Variants in SMARCA1 observed in about 807,000 individuals in gnomAD.
SMARCA1 encodes the protein SWI/SNF-related matrix-associated actin-dependent regulator of chromatin subfamily A member 1.
In SMARCA1, 17 loss-of-function variants were observed where a neutral mutation model predicts 93.6. The observed-to-expected ratio is 0.18, with a 90% CI of 0.12 to 0.27. The LOEUF is 0.27. SMARCA1 is among the 10% of genes least tolerant of loss of function. SMARCA1 has a pLI of 1.00. For missense variants in SMARCA1, 630 were observed against 819.0 expected, an observed-to-expected ratio of 0.77 and a Z score of 2.82; for synonymous variants, 271 against 271.4, an observed-to-expected ratio of 1.00 and a Z score of 0.01.
chrX:129,516,135 C>T (rs1311826938), intron 3 of SMARCA1, 141 bp from the exon 4 acceptor site: 11 of 586,960 alleles, frequency 1.9e-5, no homozygotes, highest in Non-Finnish European at 2.9e-5. Context: ...AACCAGCCTA[C>T]ATTTTTACTG....
At chrX:129,476,890 A>C (rs1305927613) in intron 19 of SMARCA1, among the ~76,000 whole-genome samples, 1 of 111,845 alleles carries the variant, frequency 8.9e-6, no homozygotes, top group African/African-American at 3.3e-5. Context: ...TCTGAACTCA[A>C]ACAAAAAACC....
In SMARCA1 at chrX:129,518,280, T is replaced by A. The variant is rs183641743; in HGVS notation, c.261+81A>T. ...AATGATTCTCTATGCATTATATATATACATGTATTTTTTCATCTTTAACAT... is the reference window on the plus strand; with the variant it reads ...AATGATTCTCTATGCATTATATATAAACATGTATTTTTTCATCTTTAACAT... On this transcript the variant is annotated intron_variant, in intron 2 of 24. Transcript: ENST00000371121. 82 of 497,273 alleles carry A rather than the reference T, an allele frequency of 1.6e-4. 1 individual carries two copies. The East Asian group carries it at 2.8e-3, about 17-fold the overall frequency. The allele number at this position is 497,273 out of a possible 1,213,427, so 41.0% of individuals were successfully genotyped here.
chrX:129,485,516 T>C (rs1816730536), intron 17 of SMARCA1, among the ~76,000 whole-genome samples: 1 of 111,802 alleles, frequency 8.9e-6, no homozygotes, highest in Admixed American at 9.5e-5. Context: ...AAATTAAGAC[T>C]TTTGAGGACC....
Position 129,455,772 on chromosome X carries a change from A to G in SMARCA1, c.3031-7329T>C, listed in dbSNP as rs891522267. 2.7e-5 allele frequency among the ~76,000 whole-genome samples: 3 copies of G among 112,067 alleles called. No individual in the cohort carries two copies. The Admixed American group carries it at 2.9e-4, about 11-fold the overall frequency. On this transcript the variant is annotated intron_variant, in intron 23 of 24. Transcript: ENST00000371121. ...AGCAAGATCCTAACTCTTCAATTCT[A>G]TGAAGGCTGAGAGAGGTAAGGAAGG...
intron 20 of SMARCA1, 64 bp from the exon 21 acceptor site, chrX:129,468,969 T>C (rs990584237): frequency 1.4e-6 from 1 of 729,240 alleles, no homozygotes; most frequent in South Asian, 3.6e-5. Flanking sequence ...TATTGCCCTA[T>C]TTACTTCTAT....
chrX:129,487,604 C>G (rs1461157213), intron 16 of SMARCA1, among the ~76,000 whole-genome samples: 2 of 112,138 alleles, frequency 1.8e-5, no homozygotes, highest in African/African-American at 6.5e-5. Flanking sequence ...TAGTAAAATA[C>G]ACCATGGAGA....
intron 17 of SMARCA1, among the ~76,000 whole-genome samples, chrX:129,481,882 A>G (rs1329256048): frequency 1.8e-5 from 2 of 109,352 alleles, no homozygotes; most frequent in Non-Finnish European, 3.8e-5. Context: ...ACATGCACAC[A>G]TATGTTTATT....
chrX:129,450,533 C>T (rs761890696), intron 23 of SMARCA1, among the ~76,000 whole-genome samples: 6 of 111,994 alleles, frequency 5.4e-5, no homozygotes, highest in Non-Finnish European at 1.1e-4. Flanking sequence ...TTTGACCTAG[C>T]AATTCCATTT....
At chrX:129,488,369 G>A (rs1412763393) in intron 16 of SMARCA1, among the ~76,000 whole-genome samples, 1 of 108,106 alleles carries the variant, frequency 9.3e-6, no homozygotes, top group Non-Finnish European at 1.9e-5. Flanking sequence ...AGTGCTTTGG[G>A]AGGCAGAGGT....
At position 129,496,830 on chromosome X, in the gene SMARCA1, C is replaced by T; in HGVS notation, c.1546G>A (p.Asp516Asn). The part of the protein sequence containing the change: ...LIFSQMTRLL[D>N]ILEDYCMWRG... ...CACATGCAATAATCTTCCAAAATAT[C>T]CAGCAAGCGAGTCATCTGGCTGAAA... The change falls in exon 12 of 25, where the codon GAT (aspartate) becomes AAT (asparagine). Residue 516 changes from aspartate (D) to asparagine (N), a missense_variant. This residue lies in a region of SMARCA1 where 382 missense variants were observed against 537.9 expected (regional missense o/e 0.71). Transcript: ENST00000371121. 1 of 1,205,758 alleles carries T rather than the reference C, an allele frequency of 8.3e-7. No individual in the cohort carries two copies. Among genetic ancestry groups the T allele is most frequent in the Non-Finnish European group, 1.1e-6 (1 of 890,440 alleles).
intron 12 of SMARCA1, among the ~76,000 whole-genome samples, chrX:129,495,939 A>AT (rs1286331684): frequency 1.2e-3 from 117 of 99,435 alleles, no homozygotes; most frequent in African/African-American, 3.4e-3. Context: ...CACCCAGCTA[A>AT]TTTTTTTTTT....
intron 5 of SMARCA1, among the ~76,000 whole-genome samples, chrX:129,514,252 G>T (rs1347790991): frequency 1.8e-5 from 2 of 111,569 alleles, no homozygotes; most frequent in African/African-American, 6.5e-5. Context: ...AGAAGGAGGA[G>T]ATTGCAGTGA....
intron 6 of SMARCA1, among the ~76,000 whole-genome samples, chrX:129,509,188 CAAAAA>C (rs10706195): frequency 1.4e-5 from 1 of 69,642 alleles, no homozygotes; most frequent in African/African-American, 4.7e-5. Flanking sequence ...GAGTCCGTCT[CAAAAA>C]AAAAAAAAAA....
intron 5 of SMARCA1, among the ~76,000 whole-genome samples, chrX:129,513,476 A>G (rs1029233309): frequency 2.8e-5 from 3 of 107,838 alleles, no homozygotes; most frequent in African/African-American, 1.0e-4. Flanking sequence ...GTAAGCAATG[A>G]TCACGCCATT....
At position 129,463,264 on chromosome X, in the gene SMARCA1, A is replaced by G. The variant is rs142435207; in HGVS notation, c.3030+2256T>C. Among the ~76,000 whole-genome samples, 221 of 111,788 alleles carry G rather than the reference A, an allele frequency of 2.0e-3. 1 individual carries two copies. Among genetic ancestry groups the G allele is most frequent in the African/African-American group, 6.9e-3 (213 of 30,824 alleles). On this transcript the variant is annotated intron_variant, in intron 23 of 24. Coordinates refer to ENST00000371121, the MANE Select transcript of SMARCA1 (RefSeq NM_001282874.2). ...CTAAATTAAATCATTACATGTATAAAACCCCAAATGGCTAAAAGATTTATC... is the reference window on the plus strand; with the variant it reads ...CTAAATTAAATCATTACATGTATAAGACCCCAAATGGCTAAAAGATTTATC...
intron 6 of SMARCA1, among the ~76,000 whole-genome samples, 183 bp downstream of exon 6, chrX:129,511,621 A>G (rs944660772): frequency 1.8e-5 from 2 of 111,743 alleles, no homozygotes; most frequent in Non-Finnish European, 3.8e-5. Context: ...ACCTCATGGG[A>G]GTGTTGTGAG....
At chrX:129,463,650 C>T (rs1271941422) in intron 23 of SMARCA1, among the ~76,000 whole-genome samples, 1 of 111,674 alleles carries the variant, frequency 9.0e-6, no homozygotes, top group Non-Finnish European at 1.9e-5. Flanking sequence ...TATTAAATGT[C>T]ATGTTTGCTG....
intron 14 of SMARCA1, 113 bp downstream of exon 14, chrX:129,491,828 T>C (rs1934141368): frequency 2.0e-6 from 1 of 489,147 alleles, no homozygotes; most frequent in East Asian, 3.7e-5. Flanking sequence ...CTGTAACTTC[T>C]ATAAAATCTC....
intron 24 of SMARCA1, among the ~76,000 whole-genome samples, chrX:129,447,657 G>C (rs1398459979): frequency 1.8e-5 from 2 of 111,283 alleles, no homozygotes; most frequent in African/African-American, 6.5e-5. Flanking sequence ...TCTGAAATCA[G>C]GATGCAACTT....
Sources: gnomAD v4.1 joint callset for allele counts (sites outside exome capture counted in the v4.1 genomes callset) on GRCh38, gnomAD v4.1.1 for gene constraint, gnomAD v4.1.1 regional missense constraint, MANE v1.5 for transcripts, NCBI Gene and HGNC (gene_info 2026-07-23, HGNC 2026-07-21) for gene names.